ITFG1: variants seen among roughly 807,000 people sequenced by gnomAD.
ITFG1 encodes the protein T-cell immunomodulatory protein.
ITFG1 carries 34 observed loss-of-function variants against 81.8 expected under a neutral mutation model. The observed-to-expected ratio is 0.42, with a 90% CI of 0.32 to 0.55. The LOEUF (loss-of-function observed/expected upper bound fraction) is 0.55, where lower values mean the gene tolerates loss of function less well. ITFG1 is among the 20% of genes least tolerant of loss of function. The pLI is 0.17. For missense variants in ITFG1, 672 were observed against 755.4 expected (o/e 0.89, Z 1.29); for synonymous variants, 285 against 270.6 (o/e 1.05, Z -0.52).
chr16:47,442,913 A>C (rs1187020683), intron 5 of ITFG1, among the ~76,000 whole-genome samples: 1 of 152,226 alleles, frequency 6.6e-6, no homozygotes, highest in East Asian at 1.9e-4. Flanking sequence ...GATCTAATTA[A>C]ACTAAAGAGC....
intron 12 of ITFG1, among the ~76,000 whole-genome samples, chr16:47,243,227 T>C (rs1395810967): frequency 1.3e-5 from 2 of 152,126 alleles, no homozygotes; most frequent in Admixed American, 6.5e-5. Flanking sequence ...TTCTAGATTA[T>C]ACATATATAT....
chr16:47,460,686 G>A (rs1969522463), intron 1 of ITFG1, 152 bp downstream of exon 1: 1 of 830,544 alleles, frequency 1.2e-6, no homozygotes, highest in South Asian at 1.6e-5. Flanking sequence ...GGTGCAAAAG[G>A]ACAAGCTGTT....
chr16:47,270,547 C>A (rs772732514), intron 10 of ITFG1, among the ~76,000 whole-genome samples: 1 of 152,176 alleles, frequency 6.6e-6, no homozygotes, highest in Non-Finnish European at 1.5e-5. Context: ...GACATAGCTA[C>A]CCCATTCCTT....
chr16:47,440,363 C>T (rs1051225469), intron 5 of ITFG1, among the ~76,000 whole-genome samples: 1 of 152,300 alleles, frequency 6.6e-6, no homozygotes, highest in Non-Finnish European at 1.5e-5. Flanking sequence ...AACTCTCCAC[C>T]CCAAATCAAC....
chr16:47,354,631 A>C (rs1968013720), intron 8 of ITFG1, among the ~76,000 whole-genome samples: 1 of 152,168 alleles, frequency 6.6e-6, no homozygotes, highest in Non-Finnish European at 1.5e-5. Context: ...AAAATGGAAA[A>C]GGTATTTGCA....
Position 47,313,913 on chromosome 16 carries a change from A to C in ITFG1, c.803-90T>G, listed in dbSNP as rs1462956911. On this transcript the variant is annotated intron_variant, in intron 8 of 17. Coordinates refer to ENST00000320640, the MANE Select transcript of ITFG1 (RefSeq NM_030790.5). ...TAAATTTACTATTTGTTCAAAGTCT[A>C]CATCAATCTGGATAAAACAGAAGAA... 2.7e-5 allele frequency: 17 copies of C among 635,346 alleles called. No individual in the cohort carries two copies. The Admixed American group carries it at 5.8e-4, about 22-fold the overall frequency. The allele number at this position is 635,346 out of a possible 1,614,324, so 39.4% of individuals were successfully genotyped here. A position where few individuals can be genotyped will look rare whatever the true frequency, so the allele number is the denominator to read the frequency against.
At chr16:47,410,715 C>T (rs887103071) in intron 6 of ITFG1, among the ~76,000 whole-genome samples, 2 of 152,124 alleles carry the variant, frequency 1.3e-5, no homozygotes, top group Non-Finnish European at 2.9e-5. Context: ...ACGAACCTCT[C>T]GGATCTTGGC....
intron 14 of ITFG1, among the ~76,000 whole-genome samples, chr16:47,181,357 G>A (rs1362176981): frequency 1.3e-5 from 2 of 151,166 alleles, no homozygotes; most frequent in Non-Finnish European, 3.0e-5. Flanking sequence ...GAGGTGGGGG[G>A]GTCAGCCCCC....
intron 5 of ITFG1, among the ~76,000 whole-genome samples, chr16:47,446,172 C>A (rs1437223646): frequency 6.6e-6 from 1 of 152,200 alleles, no homozygotes; most frequent in Non-Finnish European, 1.5e-5. Flanking sequence ...ATTTCCCTAT[C>A]CAACTCTGAG....
intron 14 of ITFG1, among the ~76,000 whole-genome samples, chr16:47,197,589 TTCCCCGGGCCATGG>T (rs1436241469): frequency 5.9e-5 from 9 of 152,230 alleles, no homozygotes; most frequent in African/African-American, 2.2e-4. Context: ...CCTGAGAATG[TTCCCCGGGCCATGG>T]TCACTCAAAT....
rs1385447641 is a variant in ITFG1 at position 47,188,109 on chromosome 16, A to C, written c.1454-25445T>G. 7.3e-5 allele frequency among the ~76,000 whole-genome samples: 11 copies of C among 151,094 alleles called. No homozygotes were observed. In the East Asian group the frequency reaches 2.1e-3, roughly 29 times the overall value. On this transcript the variant is annotated intron_variant, in intron 14 of 17. Transcript: ENST00000320640. Reference sequence around the variant, plus strand: ...AATGGCAATCATTAAAAAGTCAGGAAACAACAGGTGCTGGAGAGGATGTGG... The same window carrying C: ...AATGGCAATCATTAAAAAGTCAGGACACAACAGGTGCTGGAGAGGATGTGG...
At chr16:47,174,784 T>A (rs1965004285) in intron 14 of ITFG1, among the ~76,000 whole-genome samples, 2 of 152,154 alleles carry the variant, frequency 1.3e-5, no homozygotes, top group South Asian at 4.1e-4. Flanking sequence ...CCTCCCAAAG[T>A]GCTGGGATTA....
chr16:47,171,188 T>G (rs962369849), intron 14 of ITFG1, among the ~76,000 whole-genome samples: 5 of 151,900 alleles, frequency 3.3e-5, no homozygotes, highest in Non-Finnish European at 7.4e-5. Flanking sequence ...CTAATTTTTT[T>G]GTAGAGACAA....
intron 6 of ITFG1, among the ~76,000 whole-genome samples, chr16:47,419,891 C>G (rs1253700847): frequency 6.6e-6 from 1 of 151,988 alleles, no homozygotes; most frequent in Middle Eastern, 3.4e-3. Flanking sequence ...GTGTGAGCCA[C>G]GACGCCCGCC....
chr16:47,205,374 CG>C lies in ITFG1; in HGVS notation c.1453+13493del, dbSNP rs113459429. ...ATGTCTCCCATGAGTCAAAATCACC[CG>C]ATTGAGAACCACTGGTCCAAAGACA... is the stretch of plus-strand genomic sequence containing the variant. On this transcript the variant is annotated intron_variant, in intron 14 of 17. Transcript: ENST00000320640. 2.0e-3 allele frequency among the ~76,000 whole-genome samples: 309 copies of C among 152,238 alleles called. 4 individuals carry two copies. Among genetic ancestry groups the C allele is most frequent in the African/African-American group, 7.1e-3 (294 of 41,522 alleles).
intron 14 of ITFG1, among the ~76,000 whole-genome samples, chr16:47,168,026 C>T (rs529074156): frequency 1.3e-5 from 2 of 152,322 alleles, no homozygotes; most frequent in South Asian, 2.1e-4. Context: ...ACAGCAGCTG[C>T]ACCATTTTAC....
chr16:47,300,516 C>T (rs1967059967), intron 10 of ITFG1, among the ~76,000 whole-genome samples: 1 of 152,080 alleles, frequency 6.6e-6, no homozygotes, highest in African/African-American at 2.4e-5. Context: ...GGAGACTATC[C>T]CACCTTTCCT....
intron 2 of ITFG1, among the ~76,000 whole-genome samples, chr16:47,457,365 A>T (rs920532959): frequency 2.6e-5 from 4 of 152,112 alleles, no homozygotes; most frequent in Non-Finnish European, 5.9e-5. Flanking sequence ...TTGGTTCTGA[A>T]GTACATAGAC....
At position 47,372,061 on chromosome 16, in the gene ITFG1, C is replaced by T. The variant is rs377477761; in HGVS notation, c.720+3815G>A. On this transcript the variant is annotated intron_variant, in intron 7 of 17. Transcript: ENST00000320640. ...CCCAGTAGCTGGGACTACAGGCGCC[C>T]GCCACCGCACCCAGCTAATTTTCTG... Among the ~76,000 whole-genome samples, 36 of 151,690 alleles carry T rather than the reference C, an allele frequency of 2.4e-4. No individual in the cohort carries two copies. In the East Asian group the frequency reaches 5.3e-3, roughly 22 times the overall value.
Sources: allele counts gnomAD v4.1 joint callset (sites outside exome capture counted in the v4.1 genomes callset), GRCh38; gene constraint gnomAD v4.1.1; transcripts MANE v1.5; gene names NCBI Gene and HGNC (gene_info 2026-07-23, HGNC 2026-07-21).